Variants in ARMH4 observed in about 807,000 individuals in gnomAD.
ARMH4 encodes armadillo like helical domain containing 4.
A neutral mutation model predicts 61.9 loss-of-function variants in ARMH4; 49 were observed. The observed-to-expected ratio is 0.79, with a 90% CI of 0.63 to 1.00. ARMH4 has a LOEUF of 1.00. Among genes scored for constraint, ARMH4 ranks in the 50% least tolerant of loss-of-function variants. The pLI is 0.00. For missense variants in ARMH4, 934 were observed against 930.0 expected (o/e 1.00, Z -0.06); for synonymous variants, 368 against 341.5 (o/e 1.08, Z -0.85).
At position 58,139,430 on chromosome 14, in the gene ARMH4, G is replaced by A. The variant is rs767403057; in HGVS notation, c.-56-16C>T. 2 of 1,411,688 alleles carry A rather than the reference G, an allele frequency of 1.4e-6. No homozygotes were observed. Among genetic ancestry groups the A allele is most frequent in the South Asian group, 2.4e-5 (2 of 84,358 alleles). 87.4% of individuals were successfully genotyped at this position (1,411,688 alleles called of 1,614,324 possible). On this transcript the variant is annotated splice_polypyrimidine_tract_variant and intron_variant, in intron 1 of 7. Transcript: ENST00000267485. ...TAATTGAATCCTGCAGAAAAATAAA[G>A]CATATCAAACTGTCATATAAATACA...
chr14:58,051,008 C>A (rs1262976081), intron 5 of ARMH4, among the ~76,000 whole-genome samples: 1 of 151,404 alleles, frequency 6.6e-6, no homozygotes, highest in African/African-American at 2.4e-5. Context: ...AGGAAAGATT[C>A]CCTATTTATT....
intron 4 of ARMH4, among the ~76,000 whole-genome samples, chr14:58,102,264 G>A (rs1420464838): frequency 6.6e-6 from 1 of 152,148 alleles, no homozygotes; most frequent in African/African-American, 2.4e-5. Flanking sequence ...GCTGATGGCA[G>A]GAGTCCCAGG....
chr14:58,051,962 C>A (rs1884158169), intron 5 of ARMH4, among the ~76,000 whole-genome samples: 1 of 152,142 alleles, frequency 6.6e-6, no homozygotes, highest in Non-Finnish European at 1.5e-5. Context: ...ATGCTAAAAA[C>A]AACTTTCAAC....
chr14:58,030,187 G>C (rs1883177725), intron 5 of ARMH4, among the ~76,000 whole-genome samples: 2 of 152,252 alleles, frequency 1.3e-5, no homozygotes, highest in South Asian at 2.1e-4. Context: ...ATAGAGAGGG[G>C]AGAGAGTAGA....
chr14:58,109,210 TA>T (rs1180893304), intron 4 of ARMH4, among the ~76,000 whole-genome samples: 5 of 152,234 alleles, frequency 3.3e-5, no homozygotes, highest in Non-Finnish European at 1.5e-5. Flanking sequence ...GTGTCATATC[TA>T]AAAAAACTTT....
At chr14:58,150,800 C>CTG (rs1887896212) in intron 1 of ARMH4, among the ~76,000 whole-genome samples, 1 of 152,124 alleles carries the variant, frequency 6.6e-6, no homozygotes. Context: ...CTTTAAACCT[C>CTG]TGTGTGTAAA....
In ARMH4 at chr14:58,003,962, A is replaced by G. The variant is rs1273632205; in HGVS notation, c.*774T>C. 3.3e-5 allele frequency: 5 copies of G among 152,298 alleles called. No individual in the cohort carries two copies. The East Asian group carries it at 9.7e-4, about 29-fold the overall frequency. 9.4% of individuals were successfully genotyped at this position (152,298 alleles called of 1,614,324 possible). ...TTTTCTCGGCAAAATCAACTAGCACACAAAAAGAATATCTCTTAATCATAA... is the reference window on the plus strand; with the variant it reads ...TTTTCTCGGCAAAATCAACTAGCACGCAAAAAGAATATCTCTTAATCATAA... On this transcript the variant is annotated 3_prime_UTR_variant, in exon 8 of 8. Coordinates refer to ENST00000267485, the MANE Select transcript of ARMH4 (RefSeq NM_001001872.4).
chr14:58,090,838 C>T (rs1200255535), intron 5 of ARMH4, among the ~76,000 whole-genome samples: 1 of 147,742 alleles, frequency 6.8e-6, no homozygotes, highest in Non-Finnish European at 1.5e-5. Flanking sequence ...TCAGATCACA[C>T]CACTGCACTC....
intron 6 of ARMH4, among the ~76,000 whole-genome samples, chr14:58,009,943 C>G (rs563443762): frequency 6.6e-6 from 1 of 151,216 alleles, no homozygotes; most frequent in South Asian, 2.1e-4. Context: ...AAAGACTAAA[C>G]TACAACAACA....
At chr14:58,095,571 A>T (rs1475749029) in intron 5 of ARMH4, among the ~76,000 whole-genome samples, 1 of 152,216 alleles carries the variant, frequency 6.6e-6, no homozygotes, top group Non-Finnish European at 1.5e-5. Flanking sequence ...ATGTTTTTAA[A>T]GTAATCATTG....
At chr14:58,128,753 A>T (rs894257181) in intron 4 of ARMH4, among the ~76,000 whole-genome samples, 1 of 152,230 alleles carries the variant, frequency 6.6e-6, no homozygotes, top group Admixed American at 6.5e-5. Flanking sequence ...ACAGCTGGCA[A>T]ACTCTTCAGA....
intron 5 of ARMH4, among the ~76,000 whole-genome samples, chr14:58,086,819 G>A (rs1007496874): frequency 2.6e-4 from 40 of 152,318 alleles, no homozygotes; most frequent in Middle Eastern, 3.4e-3. Flanking sequence ...AGGGCTCAGC[G>A]TGAGTTAGGG....
chr14:58,091,078 G>A (rs988166766), intron 5 of ARMH4, among the ~76,000 whole-genome samples: 3 of 151,358 alleles, frequency 2.0e-5, no homozygotes, highest in Admixed American at 6.6e-5. Context: ...TTACAGGCAT[G>A]GTGCATGCCT....
At chr14:58,042,213 A>C (rs1391638817) in intron 5 of ARMH4, among the ~76,000 whole-genome samples, 1 of 152,220 alleles carries the variant, frequency 6.6e-6, no homozygotes, top group Non-Finnish European at 1.5e-5. Flanking sequence ...AACACTCCTC[A>C]GCAAATGTAA....
intron 3 of ARMH4, 72 bp downstream of exon 3, chr14:58,133,018 C>CA: frequency 6.4e-7 from 1 of 1,551,662 alleles, no homozygotes; most frequent in South Asian, 1.2e-5. Context: ...CTGCCTCACT[C>CA]ATTCTATTCC....
intron 4 of ARMH4, among the ~76,000 whole-genome samples, chr14:58,108,553 G>C (rs1886243619): frequency 6.6e-6 from 1 of 152,068 alleles, no homozygotes; most frequent in Non-Finnish European, 1.5e-5. Flanking sequence ...CACACATCTT[G>C]TTGTACAAAA....
Position 58,001,803 on chromosome 14 carries a change from AT to A in ARMH4, c.*2932del. The A allele has an allele frequency of 6.6e-6, 1 of 152,038 alleles. No individual in the cohort carries two copies. The highest frequency in any genetic ancestry group is 1.5e-5 in the Non-Finnish European group (1 of 67,998). The allele number at this position is 152,038 out of a possible 1,614,324, so 9.4% of individuals were successfully genotyped here. ...GTATGTTTCACAAGTGTCCCAGGTG[AT>A]TTTTATGAGCCTGCAAATTCTGGAA... On this transcript the variant is annotated 3_prime_UTR_variant, in exon 8 of 8. Coordinates refer to ENST00000267485, the MANE Select transcript of ARMH4 (RefSeq NM_001001872.4).
At position 58,001,976 on chromosome 14, in the gene ARMH4, T is replaced by C. The variant is rs1047560199; in HGVS notation, c.*2760A>G. On this transcript the variant is annotated 3_prime_UTR_variant, in exon 8 of 8. Transcript: ENST00000267485. ...AGCCCTCCTTTCCAGACAGCTTTAT[T>C]TGTTTCACTGTTAAATGTTTTAAGC... The C allele has an allele frequency of 1.9e-4, 29 of 152,210 alleles. No homozygotes were observed. Among genetic ancestry groups the C allele is most frequent in the African/African-American group, 6.3e-4 (26 of 41,458 alleles). The allele number at this position is 152,210 out of a possible 1,614,324, so 9.4% of individuals were successfully genotyped here.
At chr14:58,011,765 GA>G (rs745515042) in intron 6 of ARMH4, among the ~76,000 whole-genome samples, 32,517 of 95,464 alleles carry the variant, frequency 0.34, 3,981 homozygotes, top group Non-Finnish European at 0.4. Context: ...TCTCATATTA[GA>G]AAAAAAAAAA....
Sources: gnomAD v4.1 joint callset for allele counts (sites outside exome capture counted in the v4.1 genomes callset) on GRCh38, gnomAD v4.1.1 for gene constraint, MANE v1.5 for transcripts, NCBI Gene and HGNC (gene_info 2026-07-23, HGNC 2026-07-21) for gene names.